Variants in ZMAT4 observed in about 807,000 individuals in gnomAD.
The protein encoded by ZMAT4 is zinc finger matrin-type protein 4.
A neutral mutation model predicts 28.7 loss-of-function variants in ZMAT4; 17 were observed. The observed-to-expected ratio is 0.59, with a 90% CI of 0.41 to 0.89. The LOEUF (loss-of-function observed/expected upper bound fraction) is 0.89. Among genes scored for constraint, ZMAT4 ranks in the 40% least tolerant of loss-of-function variants. ZMAT4 has a pLI of 0.00. For synonymous variants in ZMAT4, 117 were observed against 109.2 expected, an observed-to-expected ratio of 1.07 and a Z score of -0.44; for missense variants, 240 against 283.8, an observed-to-expected ratio of 0.85 and a Z score of 1.11.
intron 1 of ZMAT4, among the ~76,000 whole-genome samples, chr8:40,852,889 G>T (rs1022307204): frequency 9.9e-5 from 15 of 152,132 alleles, no homozygotes; most frequent in African/African-American, 3.6e-4. Flanking sequence ...AGTTCATCAT[G>T]ATGGAATTTT....
intron 3 of ZMAT4, among the ~76,000 whole-genome samples, chr8:40,697,729 G>T (rs190062718): frequency 1.1e-5 from 1 of 89,940 alleles, no homozygotes; most frequent in East Asian, 3.0e-4. Context: ...CCCCCTGACC[G>T]GCCCCGGTGC....
At chr8:40,872,437 C>A (rs1305376735) in intron 1 of ZMAT4, among the ~76,000 whole-genome samples, 2 of 151,834 alleles carry the variant, frequency 1.3e-5, no homozygotes, top group African/African-American at 2.4e-5. Context: ...GCCCCAGTAC[C>A]CCCCCCAACC....
chr8:40,583,987 G>T (rs1804578548), intron 5 of ZMAT4, among the ~76,000 whole-genome samples: 1 of 152,144 alleles, frequency 6.6e-6, no homozygotes, highest in Non-Finnish European at 1.5e-5. Flanking sequence ...TCTGCCCTTT[G>T]TCCACGAGGA....
At chr8:40,628,666 G>A (rs538957630) in intron 5 of ZMAT4, among the ~76,000 whole-genome samples, 24 of 152,190 alleles carry the variant, frequency 1.6e-4, no homozygotes, top group Non-Finnish European at 2.8e-4. Context: ...TGACAAGATG[G>A]TGTAAAGGTT....
At chr8:40,715,932 C>A (rs1388947724) in intron 3 of ZMAT4, among the ~76,000 whole-genome samples, 1 of 152,236 alleles carries the variant, frequency 6.6e-6, no homozygotes, top group African/African-American at 2.4e-5. Flanking sequence ...CGAATGTTTT[C>A]TGCCCAAGCC....
At chr8:40,739,985 A>G (rs1347321037) in intron 3 of ZMAT4, among the ~76,000 whole-genome samples, 1 of 152,144 alleles carries the variant, frequency 6.6e-6, no homozygotes, top group African/African-American at 2.4e-5. Context: ...CATTCTTTTT[A>G]TGGCTGTTTA....
intron 2 of ZMAT4, among the ~76,000 whole-genome samples, chr8:40,799,274 T>G (rs1814735233): frequency 6.6e-6 from 1 of 152,030 alleles, no homozygotes; most frequent in Admixed American, 6.6e-5. Flanking sequence ...GGGAGACAGA[T>G]AGAGAGAAAG....
intron 6 of ZMAT4, among the ~76,000 whole-genome samples, chr8:40,558,858 G>C (rs149517786): frequency 6.6e-6 from 1 of 152,102 alleles, no homozygotes; most frequent in Non-Finnish European, 1.5e-5. Context: ...TTGTGTTTTA[G>C]ACACGACAGC....
At chr8:40,542,716 GATA>G (rs1476667775) in intron 6 of ZMAT4, among the ~76,000 whole-genome samples, 6 of 152,100 alleles carry the variant, frequency 3.9e-5, no homozygotes, top group Non-Finnish European at 7.4e-5. Flanking sequence ...CAAATTATTT[GATA>G]ATAATTATAC....
At chr8:40,634,577 C>A (rs987517822) in intron 5 of ZMAT4, among the ~76,000 whole-genome samples, 7 of 152,164 alleles carry the variant, frequency 4.6e-5, no homozygotes, top group African/African-American at 1.7e-4. Flanking sequence ...ATGCATCAAG[C>A]AGTTATCCTA....
intron 5 of ZMAT4, among the ~76,000 whole-genome samples, chr8:40,589,065 T>G (rs1804764594): frequency 1.3e-5 from 2 of 152,232 alleles, no homozygotes; most frequent in Admixed American, 1.3e-4. Flanking sequence ...ATACATCCAT[T>G]AATCAAACTG....
At chr8:40,537,070 T>G (rs545279266) in intron 6 of ZMAT4, among the ~76,000 whole-genome samples, 1 of 152,276 alleles carries the variant, frequency 6.6e-6, no homozygotes, top group South Asian at 2.1e-4. Flanking sequence ...AGTGGTAATT[T>G]GTATTGGAAG....
At chr8:40,703,253 T>G (rs188389163) in intron 3 of ZMAT4, among the ~76,000 whole-genome samples, 137 of 152,238 alleles carry the variant, frequency 9.0e-4, no homozygotes, top group Non-Finnish European at 1.7e-3. Flanking sequence ...AAAATATATG[T>G]CCACATAAAA....
At chr8:40,713,679 C>A (rs1810722007) in intron 3 of ZMAT4, among the ~76,000 whole-genome samples, 1 of 151,824 alleles carries the variant, frequency 6.6e-6, no homozygotes, top group Admixed American at 6.6e-5. Flanking sequence ...GAGGCGGAGG[C>A]AGGTAGATCA....
At chr8:40,729,036 CA>C (rs1335516030) in intron 3 of ZMAT4, among the ~76,000 whole-genome samples, 1 of 152,220 alleles carries the variant, frequency 6.6e-6, no homozygotes, top group Non-Finnish European at 1.5e-5. Flanking sequence ...CATTGAGGAA[CA>C]GTATTCTAAT....
At chr8:40,760,999 T>C (rs1812915116) in intron 3 of ZMAT4, among the ~76,000 whole-genome samples, 1 of 151,822 alleles carries the variant, frequency 6.6e-6, no homozygotes, top group Non-Finnish European at 1.5e-5. Context: ...AGTTCGGAAA[T>C]TAACAAAAGG....
intron 5 of ZMAT4, among the ~76,000 whole-genome samples, chr8:40,594,209 C>A (rs746582213): frequency 3.0e-4 from 45 of 152,236 alleles, no homozygotes; most frequent in Admixed American, 2.7e-3. Flanking sequence ...CATGACGGGG[C>A]CTCCCAGTTT....
intron 5 of ZMAT4, among the ~76,000 whole-genome samples, chr8:40,612,138 A>G (rs1331346144): frequency 6.6e-6 from 1 of 152,220 alleles, no homozygotes; most frequent in Non-Finnish European, 1.5e-5. Flanking sequence ...AGAGTTATAC[A>G]GGATCAACAA....
At chr8:40,832,202 AT>A (rs1308186406) in intron 1 of ZMAT4, among the ~76,000 whole-genome samples, 2 of 152,194 alleles carry the variant, frequency 1.3e-5, no homozygotes, top group African/African-American at 4.8e-5. Flanking sequence ...AAGGACAGAC[AT>A]TCAGTGCAGA....
Sources: allele counts gnomAD v4.1 joint callset (sites outside exome capture counted in the v4.1 genomes callset), GRCh38; gene constraint gnomAD v4.1.1; transcripts MANE v1.5; gene names NCBI Gene and HGNC (gene_info 2026-07-23, HGNC 2026-07-21).